BCKDHA: variants seen among roughly 807,000 people sequenced by gnomAD.
The protein encoded by BCKDHA is 2-oxoisovalerate dehydrogenase subunit alpha, mitochondrial.
A neutral mutation model predicts 52.2 loss-of-function variants in BCKDHA; 43 were observed. The ratio of observed to expected loss-of-function variants is 0.82; its 90% CI spans 0.64 to 1.06. BCKDHA has a LOEUF of 1.06. BCKDHA is among the 50% of genes least tolerant of loss of function. The pLI, the probability that BCKDHA is intolerant of heterozygous loss-of-function variation, is 0.00. For synonymous variants in BCKDHA, 234 were observed against 247.9 expected (o/e 0.94, Z 0.53); for missense variants, 527 against 621.3 (o/e 0.85, Z 1.61).
At chr19:41,419,350 G>C (rs2039340517) in intron 5 of BCKDHA, 54 bp downstream of exon 5, 3 of 1,564,010 alleles carry the variant, frequency 1.9e-6, no homozygotes, top group Non-Finnish European at 2.6e-6. Flanking sequence ...TCACACCCCT[G>C]TCCAGGCCTC....
In BCKDHA at chr19:41,410,818, TGA is replaced by T. The variant is rs1232896064; in HGVS notation, c.288+6_288+7del. On this transcript the variant is annotated splice_donor_region_variant and intron_variant, in intron 2 of 8. Transcript: ENST00000269980. ...ATCAACCCCAGCGAGGACCCCCACG[TGA>T]GAGGCGGCCTCCCCCACTTCCCGTG... is the stretch of plus-strand genomic sequence containing the variant. 6.2e-7 allele frequency: 1 copy of T among 1,614,042 alleles called. No individual in the cohort carries two copies. Among genetic ancestry groups the T allele is most frequent in the South Asian group, 1.1e-5 (1 of 91,068 alleles).
chr19:41,400,621 C>T (rs887900994), intron 1 of BCKDHA, among the ~76,000 whole-genome samples: 10 of 151,700 alleles, frequency 6.6e-5, no homozygotes, highest in South Asian at 2.1e-4. Flanking sequence ...TGGACTCAAG[C>T]GATCTTCCTG....
At chr19:41,417,524 TG>T in intron 4 of BCKDHA, among the ~76,000 whole-genome samples, 1 of 152,336 alleles carries the variant, frequency 6.6e-6, no homozygotes, top group African/African-American at 2.4e-5. Flanking sequence ...ACATCTTGTG[TG>T]GATTTGTATT....
intron 8 of BCKDHA, among the ~76,000 whole-genome samples, chr19:41,423,607 A>G (rs1194149399): frequency 6.6e-6 from 1 of 152,206 alleles, no homozygotes; most frequent in Non-Finnish European, 1.5e-5. Flanking sequence ...CAAGGCGGAC[A>G]GATCACCTGA....
intron 3 of BCKDHA, among the ~76,000 whole-genome samples, chr19:41,413,267 T>C (rs2039275436): frequency 6.6e-6 from 1 of 152,164 alleles, no homozygotes; most frequent in Non-Finnish European, 1.5e-5. Context: ...CCAAAATATC[T>C]GGCTAAAACT....
chr19:41,410,538 T>C (rs1236056186), intron 1 of BCKDHA, 99 bp from the exon 2 acceptor site: 3 of 1,393,828 alleles, frequency 2.2e-6, no homozygotes, highest in Non-Finnish European at 3.0e-6. Flanking sequence ...TGGGGCCACA[T>C]GCTCAACCAC....
intron 1 of BCKDHA, among the ~76,000 whole-genome samples, chr19:41,401,881 T>G (rs1943566030): frequency 6.6e-6 from 1 of 152,208 alleles, no homozygotes. Context: ...TCCAGTGCCC[T>G]GTGCAGTATC....
chr19:41,409,368 A>G (rs1397072171), intron 1 of BCKDHA, among the ~76,000 whole-genome samples: 2 of 152,076 alleles, frequency 1.3e-5, no homozygotes, highest in Non-Finnish European at 2.9e-5. Context: ...AACCACCATC[A>G]TTGTTACTTG....
At chr19:41,405,834 G>A (rs1038314377) in intron 1 of BCKDHA, among the ~76,000 whole-genome samples, 4 of 152,216 alleles carry the variant, frequency 2.6e-5, no homozygotes, top group African/African-American at 9.7e-5. Flanking sequence ...TACTTCCTGG[G>A]CAGACCAGAC....
In BCKDHA at chr19:41,404,510, C is replaced by T. The variant is rs147618066; in HGVS notation, c.109-6127C>T. On this transcript the variant is annotated intron_variant, in intron 1 of 8. Transcript: ENST00000269980. ...TTCACCTTATTAGCCAGGATGGTCT[C>T]GATCTCCCGACCTCATGATCCGCCC... Among the ~76,000 whole-genome samples, 1,056 of 151,720 alleles carry T rather than the reference C, an allele frequency of 7.0e-3. 15 individuals are homozygous for T. Among genetic ancestry groups the T allele is most frequent in the African/African-American group, 0.024 (1,006 of 41,336 alleles).
chr19:41,422,214 A>G lies in BCKDHA; in HGVS notation c.697A>G (p.Ile233Val). Residue 233 changes from isoleucine to valine, a missense_variant, in exon 6 of 9, where the codon ATC becomes GTC. Physicochemically the swap from Ile to Val is conservative, Grantham distance 29 (BLOSUM62 3). Coordinates refer to ENST00000269980, the MANE Select transcript of BCKDHA (RefSeq NM_000709.4). ...GCGGGCCAATGCCAACAGGGTCGTC[A>G]TCTGTTACTTCGGCGAGGGGGCAGC... ...AKRANANRVV[I>V]CYFGEGAASE... 1 of 1,614,150 alleles carries G rather than the reference A, an allele frequency of 6.2e-7. No homozygotes were observed. Among genetic ancestry groups the G allele is most frequent in the Non-Finnish European group, 8.5e-7 (1 of 1,180,008 alleles).
chr19:41,399,770 A>G (rs1420910876), intron 1 of BCKDHA: 1 of 110,604 alleles, frequency 9.0e-6, no homozygotes, highest in African/African-American at 3.5e-5. Flanking sequence ...TTCTTTCTGT[A>G]CCTCTCTTTC....
rs183847835 is a variant in BCKDHA, at chr19:41,397,956, C to T, written c.108+21C>T. The T allele has an allele frequency of 7.5e-6, 12 of 1,606,980 alleles. No homozygotes were observed. The East Asian group carries it at 2.2e-4, about 30-fold the overall frequency. ...GATCTGTGAGTACCTGGGCCCCAGGCGGTTTTCCCAAAGGGGATTAGGGAT... is the reference window on the plus strand; with the variant it reads ...GATCTGTGAGTACCTGGGCCCCAGGTGGTTTTCCCAAAGGGGATTAGGGAT... On this transcript the variant is annotated intron_variant, in intron 1 of 8. Coordinates refer to ENST00000269980, the MANE Select transcript of BCKDHA (RefSeq NM_000709.4).
At chr19:41,410,867 G>T (rs1339721971) in intron 2 of BCKDHA, 51 bp downstream of exon 2, 1 of 1,613,686 alleles carries the variant, frequency 6.2e-7, no homozygotes, top group South Asian at 1.1e-5. Flanking sequence ...CAGGCCCCTT[G>T]CCTGTCTCCT....
intron 1 of BCKDHA, among the ~76,000 whole-genome samples, chr19:41,405,974 C>T (rs2039188027): frequency 6.6e-6 from 1 of 152,168 alleles, no homozygotes; most frequent in African/African-American, 2.4e-5. Context: ...CACCCCCTTC[C>T]AAAAACTAGA....
At chr19:41,424,385 A>G in intron 8 of BCKDHA, 53 bp from the exon 9 acceptor site, 4 of 1,605,022 alleles carry the variant, frequency 2.5e-6, no homozygotes, top group Non-Finnish European at 3.4e-6. Flanking sequence ...AGGAGGAAGC[A>G]GGGTCCTGCA....
Position 41,423,093 on chromosome 19 carries a change from T to G in BCKDHA, c.1091T>G (p.Leu364Arg). Residue 364 changes from leucine to arginine, a missense_variant, in exon 8 of 9, where the codon CTG becomes CGG. Leu to Arg is a moderately radical substitution (Grantham distance 102). Coordinates refer to ENST00000269980, the MANE Select transcript of BCKDHA (RefSeq NM_000709.4). ...AAACAGGACCACCCCATCTCCCGGCTGCGGCACTATCTGCTGAGCCAAGGC... is the reference window on the plus strand; with the variant it reads ...AAACAGGACCACCCCATCTCCCGGCGGCGGCACTATCTGCTGAGCCAAGGC... ...WDKQDHPISR[L>R]RHYLLSQGWW... 6.4e-7 allele frequency: 1 copy of G among 1,572,844 alleles called. No homozygotes were observed. The highest frequency in any genetic ancestry group is 8.6e-7 in the Non-Finnish European group (1 of 1,158,784).
chr19:41,414,509 A>C (rs1205723487), intron 4 of BCKDHA, among the ~76,000 whole-genome samples: 1 of 152,150 alleles, frequency 6.6e-6, no homozygotes, highest in Non-Finnish European at 1.5e-5. Flanking sequence ...AGTGAAGTCA[A>C]CGTTCGCTGT....
Position 41,410,927 on chromosome 19 carries a change from C to G in BCKDHA, c.293C>G (p.Pro98Arg). The stretch of plus-strand genomic sequence containing the variant: ...TATCTGTGCCTCCACCCGCAGCTGC[C>G]GAAGGAGAAGGTGCTGAAGCTCTAC... ...IINPSEDPHL[P>R]KEKVLKLYKS... Residue 98 changes from proline to arginine, a missense_variant, in exon 3 of 9, where the codon CCG becomes CGG. By Grantham distance (103) the Pro-to-Arg change is moderately radical. Coordinates refer to ENST00000269980, the MANE Select transcript of BCKDHA (RefSeq NM_000709.4). 1 of 1,614,086 alleles carries G rather than the reference C, an allele frequency of 6.2e-7. No individual in the cohort carries two copies. The highest frequency in any genetic ancestry group is 8.5e-7 in the Non-Finnish European group (1 of 1,180,002).
Sources: gnomAD v4.1 joint callset for allele counts (sites outside exome capture counted in the v4.1 genomes callset) on GRCh38, gnomAD v4.1.1 for gene constraint, MANE v1.5 for transcripts, NCBI Gene and HGNC (gene_info 2026-07-23, HGNC 2026-07-21) for gene names.